The following PHIP variants were observed in gnomAD, a reference collection of about 807,000 sequenced individuals.
PHIP encodes PH-interacting protein.
A neutral mutation model predicts 236.8 loss-of-function variants in PHIP; 54 were observed. The observed-to-expected ratio is 0.23, with a 90% CI of 0.18 to 0.29. PHIP has a LOEUF of 0.29. PHIP is among the 10% of genes least tolerant of loss of function. The pLI, the probability that PHIP is intolerant of heterozygous loss-of-function variation, is 1.00. For missense variants in PHIP, 1,370 were observed against 2,190.8 expected (o/e 0.63, Z 7.48); for synonymous variants, 756 against 718.9 (o/e 1.05, Z -0.83).
At chr6:78,952,163 T>A (rs1582094091) in intron 35 of PHIP, among the ~76,000 whole-genome samples, 2 of 152,262 alleles carry the variant, frequency 1.3e-5, no homozygotes, top group African/African-American at 4.8e-5. Flanking sequence ...CTTATGCCTG[T>A]AATCCCAGCA....
chr6:79,016,283 GA>G (rs1044609868), intron 13 of PHIP, among the ~76,000 whole-genome samples: 2 of 151,694 alleles, frequency 1.3e-5, no homozygotes, highest in African/African-American at 4.8e-5. Flanking sequence ...TCTGGTTTCT[GA>G]AAAAAATATT....
At chr6:78,951,022 C>T (rs1022784079) in intron 35 of PHIP, among the ~76,000 whole-genome samples, 9 of 152,094 alleles carry the variant, frequency 5.9e-5, no homozygotes, top group African/African-American at 2.2e-4. Context: ...CTGCATCCTA[C>T]AAATTTTGAT....
chr6:79,017,234 G>C (rs540292586), intron 12 of PHIP, 112 bp downstream of exon 12: 3 of 622,648 alleles, frequency 4.8e-6, no homozygotes, highest in Non-Finnish European at 8.2e-6. Context: ...AACTGGTCAA[G>C]ATCTTTTAGG....
At chr6:79,048,070 T>C (rs1409075132) in intron 6 of PHIP, among the ~76,000 whole-genome samples, 1 of 151,996 alleles carries the variant, frequency 6.6e-6, no homozygotes, top group Non-Finnish European at 1.5e-5. Flanking sequence ...ATACCAAAAT[T>C]TTAATCTTAC....
In PHIP at chr6:78,970,784, T is replaced by C. The variant is rs957329239; in HGVS notation, c.2994A>G (p.Leu998=). The change falls in exon 25 of 40, where the codon CTA becomes CTG. Residue 998 remains leucine (L), a synonymous_variant. Transcript: ENST00000275034. ...AAATAATAAATCAATGTCATACCCGTAGCTCCATTTTATGCCATGGTTGTT... is the reference window on the plus strand; with the variant it reads ...AAATAATAAATCAATGTCATACCCGCAGCTCCATTTTATGCCATGGTTGTT... The part of the protein sequence containing the change: ...PKKQPWHKME[L]REQELMKIVG... 1.9e-6 allele frequency: 3 copies of C among 1,586,652 alleles called. No homozygotes were observed. The highest frequency in any genetic ancestry group is 1.3e-5 in the African/African-American group (1 of 74,120).
At chr6:78,959,223 T>C (rs780232647) in intron 31 of PHIP, among the ~76,000 whole-genome samples, 1 of 152,126 alleles carries the variant, frequency 6.6e-6, no homozygotes. Context: ...AGGACAACTT[T>C]TGAGAATATT....
intron 10 of PHIP, among the ~76,000 whole-genome samples, chr6:79,018,140 T>C (rs1436174278): frequency 6.6e-6 from 1 of 151,962 alleles, no homozygotes; most frequent in Non-Finnish European, 1.5e-5. Context: ...ACAATACCTG[T>C]ATATAATAAA....
At chr6:78,982,252 A>C (rs1768588434) in intron 23 of PHIP, among the ~76,000 whole-genome samples, 1 of 152,064 alleles carries the variant, frequency 6.6e-6, no homozygotes, top group African/African-American at 2.4e-5. Context: ...CAACTCCATA[A>C]GAGCTGACAG....
At position 78,940,995 on chromosome 6, in the gene PHIP, T is replaced by C. The variant is rs1389919860; in HGVS notation, c.5164A>G (p.Thr1722Ala). 10 of 1,613,928 alleles carry C rather than the reference T, an allele frequency of 6.2e-6. No individual in the cohort carries two copies. Among genetic ancestry groups the C allele is most frequent in the Non-Finnish European group, 8.5e-6 (10 of 1,179,928 alleles). Residue 1722 changes from threonine to alanine, a missense_variant, in exon 40 of 40, where the codon ACA (threonine) becomes GCA (alanine). Physicochemically the swap from Thr to Ala is moderately conservative, Grantham distance 58. Coordinates refer to ENST00000275034, the MANE Select transcript of PHIP (RefSeq NM_017934.7). Reference protein sequence around the residue: ...GGRKPKRKMKTQKLDADLLVP... With the variant: ...GGRKPKRKMKAQKLDADLLVP... ...AGGAGATCTGCATCTAATTTTTGTG[T>C]CTTCATCTTCCTTTTGGGCTTCCTA...
intron 24 of PHIP, among the ~76,000 whole-genome samples, chr6:78,974,245 T>G (rs1767862808): frequency 6.6e-6 from 1 of 151,962 alleles, no homozygotes; most frequent in African/African-American, 2.4e-5. Context: ...CTCAACTACA[T>G]GGAAACTGAA....
intron 24 of PHIP, among the ~76,000 whole-genome samples, chr6:78,975,381 A>C (rs1582147261): frequency 3.3e-5 from 5 of 152,214 alleles, no homozygotes; most frequent in African/African-American, 1.2e-4. Flanking sequence ...TTTCAAAATA[A>C]TCAGAGCTAT....
rs1479944319 is a variant in PHIP at position 78,937,163 on chromosome 6, TA to T, written c.*3529del. On this transcript the variant is annotated 3_prime_UTR_variant, in exon 40 of 40. Coordinates refer to ENST00000275034, the MANE Select transcript of PHIP (RefSeq NM_017934.7). ...TTGGTCCTTTCAACCTACTCAAAAA[TA>T]AATTTCAGGTAACAAAAACATTCAG... The T allele has an allele frequency of 2.0e-5, 3 of 151,842 alleles. No homozygotes were observed. In the East Asian group the frequency reaches 5.8e-4, roughly 29 times the overall value. 9.4% of individuals were successfully genotyped at this position (151,842 alleles called of 1,614,324 possible). A position where few individuals can be genotyped will look rare whatever the true frequency, so the allele number is the denominator to read the frequency against.
intron 23 of PHIP, among the ~76,000 whole-genome samples, chr6:78,979,925 C>T (rs1379501268): frequency 6.6e-6 from 1 of 151,936 alleles, no homozygotes; most frequent in Non-Finnish European, 1.5e-5. Context: ...TGTCATTTTC[C>T]TCTTTTTCCT....
intron 4 of PHIP, among the ~76,000 whole-genome samples, chr6:79,077,102 G>T (rs1179950768): frequency 6.6e-6 from 1 of 152,042 alleles, no homozygotes. Context: ...TCTTCGCGCC[G>T]CTCCCGCCGC....
At chr6:79,077,752 G>A in intron 2 of PHIP, 23 bp from the exon 3 acceptor site, 1 of 986,448 alleles carries the variant, frequency 1.0e-6, no homozygotes, top group Non-Finnish European at 1.2e-6. Context: ...AGCGGGGAGA[G>A]CTGAGCCCCG....
intron 7 of PHIP, among the ~76,000 whole-genome samples, chr6:79,030,409 G>A (rs941422050): frequency 2.0e-5 from 3 of 152,170 alleles, no homozygotes; most frequent in African/African-American, 7.2e-5. Context: ...TCTCAATGTT[G>A]CTGGGGATTG....
chr6:79,006,954 G>T (rs181691194), intron 15 of PHIP, among the ~76,000 whole-genome samples: 80 of 152,048 alleles, frequency 5.3e-4, no homozygotes, highest in African/African-American at 1.3e-3. Context: ...GAAAATAAAA[G>T]TATATTCAGC....
intron 9 of PHIP, among the ~76,000 whole-genome samples, chr6:79,023,414 T>C (rs989184995): frequency 5.9e-5 from 9 of 152,162 alleles, no homozygotes; most frequent in Non-Finnish European, 1.2e-4. Context: ...TACTCATTCT[T>C]ATGCCTGAAC....
At chr6:78,953,326 ATC>A (rs1231114990) in intron 35 of PHIP, among the ~76,000 whole-genome samples, 1 of 152,186 alleles carries the variant, frequency 6.6e-6, no homozygotes, top group Non-Finnish European at 1.5e-5. Context: ...GGACTCAATT[ATC>A]TCTGTATAGT....
Sources: allele counts gnomAD v4.1 joint callset (sites outside exome capture counted in the v4.1 genomes callset), GRCh38; gene constraint gnomAD v4.1.1; transcripts MANE v1.5; gene names NCBI Gene and HGNC (gene_info 2026-07-23, HGNC 2026-07-21).